TRPM3: variants seen among roughly 807,000 people sequenced by gnomAD.
TRPM3 encodes long transient receptor potential channel 3.
In TRPM3, 77 loss-of-function variants were observed where a neutral mutation model predicts 181.2. That is an observed-to-expected ratio of 0.42 (90% CI 0.35 to 0.51). The LOEUF is 0.51. Ranked by LOEUF, TRPM3 falls within the 20% of genes least tolerant of loss-of-function variation. The pLI is 0.01. For synonymous variants in TRPM3, 745 were observed against 796.4 expected, an observed-to-expected ratio of 0.94 and a Z score of 1.09; for missense variants, 1,759 against 2,196.7, an observed-to-expected ratio of 0.80 and a Z score of 3.98.
At chr9:70,969,499 T>G (rs866696087) in intron 1 of TRPM3, among the ~76,000 whole-genome samples, 33 of 147,064 alleles carry the variant, frequency 2.2e-4, no homozygotes, top group Non-Finnish European at 4.5e-5. Flanking sequence ...GTGTTGGTCA[T>G]GAATAGCCAA....
intron 1 of TRPM3, among the ~76,000 whole-genome samples, chr9:71,050,537 A>T (rs1299476748): frequency 6.6e-6 from 1 of 152,206 alleles, no homozygotes; most frequent in Non-Finnish European, 1.5e-5. Context: ...TTATCTAATA[A>T]GAAAAATTAT....
intron 1 of TRPM3, among the ~76,000 whole-genome samples, chr9:71,439,484 A>G (rs778256570): frequency 3.9e-5 from 6 of 152,198 alleles, no homozygotes; most frequent in Non-Finnish European, 8.8e-5. Flanking sequence ...GAAGACAATA[A>G]GATTCAGTTG....
chr9:71,046,688 AG>A (rs2059479310), intron 1 of TRPM3, among the ~76,000 whole-genome samples: 1 of 152,208 alleles, frequency 6.6e-6, no homozygotes, highest in Admixed American at 6.5e-5. Context: ...AATTAAAGGA[AG>A]GTAGGAAAAA....
intron 6 of TRPM3, among the ~76,000 whole-genome samples, chr9:70,795,781 A>G (rs2086869644): frequency 1.3e-5 from 2 of 152,230 alleles, no homozygotes; most frequent in Non-Finnish European, 2.9e-5. Flanking sequence ...TTACATAATC[A>G]ATGGGAGCTG....
intron 1 of TRPM3, among the ~76,000 whole-genome samples, chr9:71,009,215 C>T (rs1471681928): frequency 1.3e-5 from 2 of 152,040 alleles, no homozygotes; most frequent in East Asian, 3.9e-4. Context: ...AAGCTCTAGC[C>T]AGAGTAATTA....
intron 1 of TRPM3, among the ~76,000 whole-genome samples, chr9:70,875,950 A>G (rs10746857): frequency 0.72 from 109,003 of 151,636 alleles, 39,645 homozygotes; most frequent in African/African-American, 0.81. Context: ...TTTCTGTCAA[A>G]TTACTAAATT....
chr9:71,302,533 T>C (rs2086873654), intron 1 of TRPM3, among the ~76,000 whole-genome samples: 1 of 152,252 alleles, frequency 6.6e-6, no homozygotes, highest in African/African-American at 2.4e-5. Context: ...ATTGTATTCC[T>C]TGAAGTTGAG....
chr9:71,332,975 T>C (rs2090315132), intron 1 of TRPM3, among the ~76,000 whole-genome samples: 1 of 151,866 alleles, frequency 6.6e-6, no homozygotes, highest in African/African-American at 2.4e-5. Flanking sequence ...TTCCAAAACA[T>C]GGTGTATTAT....
chr9:70,853,721 A>G (rs961843305), intron 3 of TRPM3, among the ~76,000 whole-genome samples: 1 of 152,244 alleles, frequency 6.6e-6, no homozygotes, highest in Non-Finnish European at 1.5e-5. Context: ...TCATGCAAGT[A>G]GCACAAACAA....
intron 1 of TRPM3, chr9:70,917,029 A>G: frequency 6.3e-7 from 1 of 1,577,556 alleles, no homozygotes; most frequent in Non-Finnish European, 8.7e-7. Flanking sequence ...GAGTGGGTAT[A>G]GAGACTGGTA....
intron 1 of TRPM3, among the ~76,000 whole-genome samples, chr9:70,932,448 G>A (rs2133427886): frequency 6.6e-6 from 1 of 152,114 alleles, no homozygotes; most frequent in South Asian, 2.1e-4. Context: ...TGCTTACTTT[G>A]GAGCTTAAGA....
intron 1 of TRPM3, among the ~76,000 whole-genome samples, chr9:71,086,509 C>A (rs922327651): frequency 6.6e-6 from 1 of 151,896 alleles, no homozygotes; most frequent in African/African-American, 2.4e-5. Context: ...ATGTCTTTTT[C>A]TCCATTCATG....
chr9:71,351,881 T>TG (rs2091653537), intron 1 of TRPM3, among the ~76,000 whole-genome samples: 5 of 46,210 alleles, frequency 1.1e-4, no homozygotes, highest in Non-Finnish European at 2.5e-4. Flanking sequence ...TTTTTGTTTT[T>TG]TTTTTTTTTT....
chr9:71,231,500 T>C (rs956326996), intron 1 of TRPM3, among the ~76,000 whole-genome samples: 1 of 152,208 alleles, frequency 6.6e-6, no homozygotes, highest in African/African-American at 2.4e-5. Flanking sequence ...TTGAAGACTT[T>C]TGACCTCCAG....
intron 6 of TRPM3, chr9:70,825,004 C>T (rs2093461670): frequency 6.6e-6 from 1 of 152,218 alleles, no homozygotes; most frequent in Non-Finnish European, 1.5e-5. Context: ...TCCCTACCCT[C>T]TAAGGAGCTT....
chr9:70,552,768 C>T lies in TRPM3; in HGVS notation c.3574+76G>A, dbSNP rs558191304. 1.9e-5 allele frequency: 28 copies of T among 1,500,656 alleles called. No individual in the cohort carries two copies. The South Asian group carries it at 2.3e-4, about 12-fold the overall frequency. The allele number at this position is 1,500,656 out of a possible 1,614,324, so 93.0% of individuals were successfully genotyped here. On this transcript the variant is annotated intron_variant, in intron 24 of 25. Coordinates refer to ENST00000677713, the MANE Select transcript of TRPM3 (RefSeq NM_001366145.2). ...AGGTAGGAGGAACTAGGTGGGCATG[C>T]GATTCTGCGTGATTGCCTATAGGAA... is the stretch of plus-strand genomic sequence containing the variant.
chr9:71,400,630 T>G (rs1039903457), intron 1 of TRPM3, among the ~76,000 whole-genome samples: 6 of 152,146 alleles, frequency 3.9e-5, no homozygotes, highest in African/African-American at 1.4e-4. Flanking sequence ...AAAATTAAAT[T>G]TTTTGAAATT....
chr9:71,340,133 A>G (rs2090854845), intron 1 of TRPM3, among the ~76,000 whole-genome samples: 1 of 152,178 alleles, frequency 6.6e-6, no homozygotes, highest in South Asian at 2.1e-4. Context: ...AACTATACGC[A>G]TGCCAGGGTT....
At position 70,543,520 on chromosome 9, in the gene TRPM3, C is replaced by T. The variant is rs544285698; in HGVS notation, c.3707+6022G>A. 6.6e-5 allele frequency among the ~76,000 whole-genome samples: 10 copies of T among 152,234 alleles called. No homozygotes were observed. In the South Asian group the frequency reaches 1.9e-3, roughly 28 times the overall value. On this transcript the variant is annotated intron_variant, in intron 25 of 25. Coordinates refer to ENST00000677713, the MANE Select transcript of TRPM3 (RefSeq NM_001366145.2). ...ACTACCCTTCCCAGCCTCTGGTAAC[C>T]ATCCTTCTACTCTTTATGTCCATGA...
Sources: gnomAD v4.1 joint callset for allele counts (sites outside exome capture counted in the v4.1 genomes callset) on GRCh38, gnomAD v4.1.1 for gene constraint, MANE v1.5 for transcripts, NCBI Gene and HGNC (gene_info 2026-07-23, HGNC 2026-07-21) for gene names.